The following PIGL variants were observed in gnomAD, a reference collection of about 807,000 sequenced individuals.
PIGL encodes phosphatidylinositol glycan anchor biosynthesis class L, also known as N-acetylglucosaminyl-phosphatidylinositol de-N-acetylase.
A neutral mutation model predicts 31.1 loss-of-function variants in PIGL; 22 were observed. The observed-to-expected ratio is 0.71, with a 90% CI of 0.51 to 1.01. PIGL has a LOEUF of 1.01. Among genes scored for constraint, PIGL ranks in the 50% least tolerant of loss-of-function variants. The pLI is 0.00. For synonymous variants in PIGL, 131 were observed against 117.4 expected, an observed-to-expected ratio of 1.12 and a Z score of -0.75; for missense variants, 302 against 315.9, an observed-to-expected ratio of 0.96 and a Z score of 0.33.
At chr17:16,288,528 T>C (rs2092947457) in intron 2 of PIGL, among the ~76,000 whole-genome samples, 2 of 140,514 alleles carry the variant, frequency 1.4e-5, no homozygotes, top group South Asian at 2.2e-4. Context: ...CTTTTTTTCT[T>C]TTCTTTTTTT....
intron 1 of PIGL, among the ~76,000 whole-genome samples, chr17:16,232,489 G>A (rs1454142318): frequency 6.6e-6 from 1 of 152,096 alleles, no homozygotes; most frequent in African/African-American, 2.4e-5. Context: ...AGTTAAAATG[G>A]TCCTTGACTT....
intron 2 of PIGL, among the ~76,000 whole-genome samples, chr17:16,246,834 C>T (rs1405479407): frequency 6.6e-6 from 1 of 150,414 alleles, no homozygotes; most frequent in Non-Finnish European, 1.5e-5. Context: ...TACAGGCGCC[C>T]GCCACCGCGC....
In PIGL at chr17:16,261,288, AG is replaced by A. The variant is rs760483809; in HGVS notation, c.335+27219del. Among the ~76,000 whole-genome samples, 28 of 152,150 alleles carry A rather than the reference AG, an allele frequency of 1.8e-4. 1 individual carries two copies. The highest frequency in any genetic ancestry group is 9.2e-4 in the Admixed American group (14 of 15,256). ...GGGCAGAACAAACCCAGTGGGTGCA[AG>A]CAATACTCAGGCAGAAGGCATCACT... On this transcript the variant is annotated intron_variant, in intron 2 of 6. Transcript: ENST00000225609.
At chr17:16,218,677 CTTTTTT>C (rs34243048) in intron 1 of PIGL, among the ~76,000 whole-genome samples, 2 of 127,676 alleles carry the variant, frequency 1.6e-5, no homozygotes, top group African/African-American at 5.8e-5. Context: ...CCAACTTACT[CTTTTTT>C]TTTTTTTTTT....
intron 2 of PIGL, among the ~76,000 whole-genome samples, chr17:16,234,446 AAAAAG>A (rs1006220337): frequency 4.6e-5 from 7 of 151,378 alleles, no homozygotes; most frequent in East Asian, 2.0e-4. Flanking sequence ...CTTCATCTCA[AAAAAG>A]AAAAGAAAAG....
chr17:16,237,164 G>A (rs903537004), intron 2 of PIGL, among the ~76,000 whole-genome samples: 1 of 136,130 alleles, frequency 7.3e-6, no homozygotes, highest in Admixed American at 8.2e-5. Context: ...CTGGAGTGCA[G>A]TGGTGCCATC....
intron 1 of PIGL, among the ~76,000 whole-genome samples, chr17:16,226,119 A>G (rs2092651164): frequency 6.6e-6 from 1 of 152,132 alleles, no homozygotes; most frequent in South Asian, 2.1e-4. Flanking sequence ...AGAGTAAGCT[A>G]TGATGATCAT....
At chr17:16,277,730 AG>A (rs1212946847) in intron 2 of PIGL, among the ~76,000 whole-genome samples, 2 of 152,238 alleles carry the variant, frequency 1.3e-5, no homozygotes, top group Non-Finnish European at 2.9e-5. Flanking sequence ...AAGAGGACAA[AG>A]ACAAGACAAC....
intron 2 of PIGL, among the ~76,000 whole-genome samples, chr17:16,253,202 C>G (rs1051179044): frequency 9.2e-5 from 14 of 151,522 alleles, no homozygotes; most frequent in Admixed American, 6.6e-5. Flanking sequence ...TGCAGTGAGC[C>G]GAGATCACAC....
chr17:16,231,067 C>CTTTTTT (rs59390439), intron 1 of PIGL, among the ~76,000 whole-genome samples: 6 of 96,516 alleles, frequency 6.2e-5, no homozygotes, highest in African/African-American at 1.3e-4. Flanking sequence ...TTTGGTTTTT[C>CTTTTTT]TTTTTTTTTT....
chr17:16,225,361 T>G (rs986833673), intron 1 of PIGL, among the ~76,000 whole-genome samples: 14 of 151,826 alleles, frequency 9.2e-5, no homozygotes, highest in African/African-American at 3.1e-4. Context: ...ATTTTGTGAT[T>G]TTTTTAAATG....
intron 1 of PIGL, among the ~76,000 whole-genome samples, chr17:16,218,889 G>C (rs1426958510): frequency 6.6e-6 from 1 of 151,396 alleles, no homozygotes; most frequent in Non-Finnish European, 1.5e-5. Flanking sequence ...ATGTTAGCCA[G>C]GCTGGTCTCA....
At chr17:16,250,109 G>A (rs2092764873) in intron 2 of PIGL, among the ~76,000 whole-genome samples, 1 of 152,066 alleles carries the variant, frequency 6.6e-6, no homozygotes, top group African/African-American at 2.4e-5. Flanking sequence ...ACCATGTCCG[G>A]CTAATTTTTG....
At chr17:16,273,595 G>GA (rs1380468132) in intron 2 of PIGL, among the ~76,000 whole-genome samples, 1 of 149,174 alleles carries the variant, frequency 6.7e-6, no homozygotes, top group Non-Finnish European at 1.5e-5. Context: ...ATCAGAGTCA[G>GA]AAAAAAAAGC....
At position 16,322,026 on chromosome 17, in the gene PIGL, G is replaced by A. The variant is rs538859526; in HGVS notation, c.661-3774G>A. 3.3e-5 allele frequency among the ~76,000 whole-genome samples: 5 copies of A among 152,072 alleles called. No individual in the cohort carries two copies. The East Asian group carries it at 7.7e-4, about 24-fold the overall frequency. ...CTCGAACTCCCGACCTCAGGTGATCGCCCACCTCAGCCTCCCAAAGTGCTG... is the reference window on the plus strand; with the variant it reads ...CTCGAACTCCCGACCTCAGGTGATCACCCACCTCAGCCTCCCAAAGTGCTG... On this transcript the variant is annotated intron_variant, in intron 6 of 6. Transcript: ENST00000225609.
At chr17:16,231,420 T>C (rs1269291588) in intron 1 of PIGL, among the ~76,000 whole-genome samples, 1 of 151,604 alleles carries the variant, frequency 6.6e-6, no homozygotes, top group African/African-American at 2.4e-5. Flanking sequence ...ATTTTTCTTT[T>C]GTGAAAACAG....
chr17:16,260,340 G>A (rs1320499264), intron 2 of PIGL, among the ~76,000 whole-genome samples: 2 of 152,164 alleles, frequency 1.3e-5, no homozygotes, highest in Non-Finnish European at 2.9e-5. Context: ...GAGAACTTAT[G>A]GTGCTTTTTC....
intron 1 of PIGL, chr17:16,218,156 T>G (rs1051145583): frequency 6.6e-6 from 1 of 152,218 alleles, no homozygotes; most frequent in African/African-American, 2.4e-5. Flanking sequence ...ACACATACAA[T>G]GGGTGAATTT....
At chr17:16,262,165 G>A (rs2092821860) in intron 2 of PIGL, among the ~76,000 whole-genome samples, 1 of 152,142 alleles carries the variant, frequency 6.6e-6, no homozygotes, top group African/African-American at 2.4e-5. Flanking sequence ...AGAGGTTGCA[G>A]TGAGGCAAGA....
Sources: allele counts gnomAD v4.1 joint callset (sites outside exome capture counted in the v4.1 genomes callset), GRCh38; gene constraint gnomAD v4.1.1; transcripts MANE v1.5; gene names NCBI Gene and HGNC (gene_info 2026-07-23, HGNC 2026-07-21).